RABGAP1: variants seen among roughly 807,000 people sequenced by gnomAD.
The protein encoded by RABGAP1 is rab GTPase-activating protein 1.
A neutral mutation model predicts 137.6 loss-of-function variants in RABGAP1; 23 were observed. That is an observed-to-expected ratio of 0.17 (90% confidence interval 0.12 to 0.24). RABGAP1 has a LOEUF of 0.24. RABGAP1 is among the 10% of genes least tolerant of loss of function. The pLI, the probability that RABGAP1 is intolerant of heterozygous loss-of-function variation, is 1.00. For synonymous variants in RABGAP1, 451 were observed against 450.7 expected (o/e 1.00, Z -0.01); for missense variants, 906 against 1,275.8 (o/e 0.71, Z 4.42).
intron 4 of RABGAP1, among the ~76,000 whole-genome samples, chr9:122,988,875 G>A (rs1388942865): frequency 6.6e-6 from 1 of 151,426 alleles, no homozygotes; most frequent in Non-Finnish European, 1.5e-5. Flanking sequence ...CCCAGGAGGC[G>A]GAGGTTGCGG....
At chr9:123,051,384 A>T (rs931786626) in intron 13 of RABGAP1, among the ~76,000 whole-genome samples, 1 of 151,332 alleles carries the variant, frequency 6.6e-6, no homozygotes, top group East Asian at 1.9e-4. Context: ...AGTTGCTGGG[A>T]TTACAGGCAT....
chr9:122,977,322 T>G (rs773833033), intron 2 of RABGAP1, among the ~76,000 whole-genome samples: 2 of 152,136 alleles, frequency 1.3e-5, no homozygotes, highest in South Asian at 2.1e-4. Flanking sequence ...ATAGGATTTG[T>G]GAGTTATATG....
At chr9:122,952,469 C>T (rs1050095158) in intron 1 of RABGAP1, among the ~76,000 whole-genome samples, 3 of 151,930 alleles carry the variant, frequency 2.0e-5, no homozygotes, top group Admixed American at 1.3e-4. Flanking sequence ...GGGGTTTCAC[C>T]GTGTTAGCCA....
At chr9:123,055,192 T>C (rs1008143230) in intron 13 of RABGAP1, among the ~76,000 whole-genome samples, 30 of 152,112 alleles carry the variant, frequency 2.0e-4, no homozygotes, top group African/African-American at 7.2e-4. Context: ...GATATTTCTT[T>C]TATTGATTGA....
intron 17 of RABGAP1, 27 bp from the exon 18 acceptor site, chr9:123,076,218 G>T (rs2034505711): frequency 6.2e-7 from 1 of 1,603,276 alleles, no homozygotes; most frequent in South Asian, 1.1e-5. Context: ...AAAACTGACA[G>T]TGTTCTTTTT....
chr9:123,078,522 T>C (rs1410844628), intron 19 of RABGAP1, among the ~76,000 whole-genome samples: 2 of 152,132 alleles, frequency 1.3e-5, no homozygotes, highest in Non-Finnish European at 2.9e-5. Flanking sequence ...ATAACAAACA[T>C]TTTACAGTAA....
rs1292173920 is a variant in RABGAP1 at position 122,998,750 on chromosome 9, T to G, written c.1358T>G (p.Phe453Cys). 1 of 1,596,884 alleles carries G rather than the reference T, an allele frequency of 6.3e-7. No individual in the cohort carries two copies. Among genetic ancestry groups the G allele is most frequent in the Middle Eastern group, 1.7e-4 (1 of 5,978 alleles). The change falls in exon 10 of 26, where the codon TTT becomes TGT. Residue 453 changes from phenylalanine to cysteine, a missense_variant. Transcript: ENST00000373647. ...AAACGTAGTACTACTGAAAATTTCT[T>G]TTTGAAACTAAAACAGGTACTGTAT... The part of the protein sequence containing the change: ...FSKRSTTENF[F>C]LKLKQIKQRE...
In RABGAP1 at chr9:123,034,810, T is replaced by TG. The variant is rs765098516; in HGVS notation, c.1794+14352dup. ...TGCTGACCTTTTTGTTGGGGTGAGC[T>TG]GCGTGGTCCCTTCTTTATCACTCCT... On this transcript the variant is annotated intron_variant, in intron 13 of 25. Transcript: ENST00000373647. The TG allele has an allele frequency of 9.3e-6, 15 of 1,613,862 alleles. No homozygotes were observed. In the Admixed American group the frequency reaches 2.2e-4, roughly 23 times the overall value.
intron 10 of RABGAP1, among the ~76,000 whole-genome samples, chr9:123,002,874 T>C (rs764440548): frequency 6.6e-6 from 1 of 152,120 alleles, no homozygotes; most frequent in African/African-American, 2.4e-5. Context: ...CAAACTAAAC[T>C]TAAGCCGAGT....
At chr9:122,967,265 C>A (rs1201926554) in intron 2 of RABGAP1, among the ~76,000 whole-genome samples, 1 of 151,944 alleles carries the variant, frequency 6.6e-6, no homozygotes, top group Non-Finnish European at 1.5e-5. Flanking sequence ...AGTGTGGGTT[C>A]ATTAGTAAAT....
chr9:122,945,156 T>C (rs1833879708), intron 1 of RABGAP1, among the ~76,000 whole-genome samples: 1 of 143,272 alleles, frequency 7.0e-6, no homozygotes, highest in Admixed American at 7.0e-5. Context: ...GCTTTTTTTT[T>C]TTTTTTTAGC....
At chr9:123,063,444 T>G (rs1231207466) in intron 13 of RABGAP1, 1 of 152,692 alleles carries the variant, frequency 6.5e-6, no homozygotes, top group Non-Finnish European at 1.5e-5. Context: ...ATCACTGGGT[T>G]GTATGGTAAT....
chr9:123,024,673 C>A (rs889106574), intron 13 of RABGAP1, among the ~76,000 whole-genome samples: 1 of 152,050 alleles, frequency 6.6e-6, no homozygotes, highest in Non-Finnish European at 1.5e-5. Flanking sequence ...CTCCCGACCT[C>A]GTGATCCTCC....
At position 122,989,347 on chromosome 9, in the gene RABGAP1, A is replaced by G. The variant is rs2131773784; in HGVS notation, c.641A>G (p.Lys214Arg). Residue 214 changes from lysine (K) to arginine (R), a missense_variant, in exon 5 of 26, where the codon AAA (lysine) becomes AGA (arginine). By Grantham distance (26) the Lys-to-Arg change is conservative (BLOSUM62 2). Coordinates refer to ENST00000373647, the MANE Select transcript of RABGAP1 (RefSeq NM_012197.4). ...NTEIANYPIYKILFCVRGHDG... is the reference protein window; with the variant it reads ...NTEIANYPIYRILFCVRGHDG... ...GAAATAGCAAACTACCCTATCTACA[A>G]AATCCTCTTCTGTGTCAGAGGGCAT... 6.2e-6 allele frequency: 10 copies of G among 1,613,948 alleles called. No individual in the cohort carries two copies. Among genetic ancestry groups the G allele is most frequent in the Non-Finnish European group, 7.6e-6 (9 of 1,179,884 alleles).
intron 13 of RABGAP1, among the ~76,000 whole-genome samples, chr9:123,036,515 A>G (rs1332769007): frequency 6.6e-6 from 1 of 152,228 alleles, no homozygotes; most frequent in African/African-American, 2.4e-5. Flanking sequence ...TGTGTCTTTA[A>G]TATTGTCTGT....
intron 19 of RABGAP1, among the ~76,000 whole-genome samples, chr9:123,083,474 G>A (rs1413869378): frequency 6.6e-6 from 1 of 152,186 alleles, no homozygotes; most frequent in Non-Finnish European, 1.5e-5. Flanking sequence ...AAGGGTAGCA[G>A]TGGGCACTGC....
chr9:123,067,625 T>TC (rs1029423204), intron 14 of RABGAP1, among the ~76,000 whole-genome samples: 33 of 152,194 alleles, frequency 2.2e-4, no homozygotes, highest in African/African-American at 8.0e-4. Flanking sequence ...TTGTCTAACT[T>TC]CCCCACTGAA....
intron 13 of RABGAP1, among the ~76,000 whole-genome samples, chr9:123,027,571 T>C (rs1412759444): frequency 6.6e-6 from 1 of 152,238 alleles, no homozygotes; most frequent in Non-Finnish European, 1.5e-5. Context: ...TTTGTATTAT[T>C]GAATAATATT....
chr9:123,003,065 C>T (rs181047895), intron 10 of RABGAP1, among the ~76,000 whole-genome samples: 11 of 152,284 alleles, frequency 7.2e-5, no homozygotes, highest in Non-Finnish European at 8.8e-5. Context: ...AGAATTTGAA[C>T]AACTTTTCGC....
Sources: allele counts gnomAD v4.1 joint callset (sites outside exome capture counted in the v4.1 genomes callset), GRCh38; gene constraint gnomAD v4.1.1; transcripts MANE v1.5; gene names NCBI Gene and HGNC (gene_info 2026-07-23, HGNC 2026-07-21).